Variants in ASAP1 observed in about 807,000 individuals in gnomAD.
ASAP1 encodes the protein ArfGAP with SH3 domain, ankyrin repeat and PH domain 1.
In ASAP1, 43 loss-of-function variants were observed where a neutral mutation model predicts 145.2. The observed-to-expected ratio is 0.30, with a 90% CI of 0.23 to 0.38. The LOEUF (loss-of-function observed/expected upper bound fraction) is 0.38. Ranked by LOEUF, ASAP1 falls within the 10% of genes least tolerant of loss-of-function variation. The pLI is 1.00. For missense variants in ASAP1, 1,018 were observed against 1,355.3 expected, an observed-to-expected ratio of 0.75 and a Z score of 3.91; for synonymous variants, 546 against 515.5, an observed-to-expected ratio of 1.06 and a Z score of -0.80.
chr8:130,184,310 C>T (rs1025204026), intron 7 of ASAP1, among the ~76,000 whole-genome samples: 1 of 152,156 alleles, frequency 6.6e-6, no homozygotes, highest in South Asian at 2.1e-4. Flanking sequence ...TCGTCTACCA[C>T]AGCAATACAT....
chr8:130,208,820 C>G (rs1467108777), intron 5 of ASAP1: 1 of 152,156 alleles, frequency 6.6e-6, no homozygotes, highest in Non-Finnish European at 1.5e-5. Context: ...GAATCTATGA[C>G]TTGACTCAAC....
At chr8:130,155,380 C>G (rs1399898725) in intron 12 of ASAP1, among the ~76,000 whole-genome samples, 1 of 152,092 alleles carries the variant, frequency 6.6e-6, no homozygotes. Flanking sequence ...CTTTTGTGTG[C>G]GAGAGAGACA....
intron 12 of ASAP1, among the ~76,000 whole-genome samples, chr8:130,153,208 T>C (rs2097650325): frequency 6.6e-6 from 1 of 150,878 alleles, no homozygotes; most frequent in Non-Finnish European, 1.5e-5. Context: ...TTAGTAGAAA[T>C]GGGGCTTCAC....
intron 9 of ASAP1, among the ~76,000 whole-genome samples, chr8:130,177,397 A>T (rs1814038408): frequency 6.6e-6 from 1 of 152,238 alleles, no homozygotes; most frequent in Non-Finnish European, 1.5e-5. Context: ...CTGCCAAAGT[A>T]CTGCAGAATT....
chr8:130,377,345 C>T (rs1180591949), intron 2 of ASAP1, among the ~76,000 whole-genome samples: 2 of 152,048 alleles, frequency 1.3e-5, no homozygotes, highest in African/African-American at 2.4e-5. Flanking sequence ...ATTCAAGTAA[C>T]CAAACACCAC....
intron 1 of ASAP1, among the ~76,000 whole-genome samples, chr8:130,422,687 T>C (rs113701574): frequency 6.6e-6 from 1 of 152,336 alleles, no homozygotes; most frequent in African/African-American, 2.4e-5. Context: ...AACAATCATC[T>C]TGACAAATCT....
At chr8:130,308,060 T>C (rs1368609317) in intron 3 of ASAP1, among the ~76,000 whole-genome samples, 1 of 152,250 alleles carries the variant, frequency 6.6e-6, no homozygotes, top group Non-Finnish European at 1.5e-5. Context: ...TAGCAAAACA[T>C]TCTTGAATTT....
At chr8:130,158,370 C>T (rs983649788) in intron 12 of ASAP1, among the ~76,000 whole-genome samples, 1 of 149,998 alleles carries the variant, frequency 6.7e-6, no homozygotes, top group Non-Finnish European at 1.5e-5. Flanking sequence ...AAAAAAGTAT[C>T]CAGGCATGGT....
intron 4 of ASAP1, among the ~76,000 whole-genome samples, chr8:130,215,952 A>C (rs779987045): frequency 2.7e-5 from 4 of 147,784 alleles, no homozygotes; most frequent in Non-Finnish European, 4.5e-5. Context: ...GGAAAGGGGA[A>C]AGGGGAAAGA....
In ASAP1 at chr8:130,236,829, G is replaced by A. The variant is rs562872926; in HGVS notation, c.259+93C>T. The A allele has an allele frequency of 8.6e-4, 813 of 949,572 alleles. 16 individuals carry two copies. In the South Asian group the frequency reaches 0.016, roughly 19 times the overall value. The allele number at this position is 949,572 out of a possible 1,614,324, so 58.8% of individuals were successfully genotyped here. On this transcript the variant is annotated intron_variant, in intron 4 of 29. Coordinates refer to ENST00000518721, the MANE Select transcript of ASAP1 (RefSeq NM_018482.4). ...CTACTTACTTTTCCATTTGTGTCAA[G>A]TTTCCTATAAACTTAACATCTTTTA...
At position 130,187,243 on chromosome 8, in the gene ASAP1, T is replaced by C. The variant is rs1298527632; in HGVS notation, c.523A>G (p.Thr175Ala). The C allele has an allele frequency of 6.2e-7, 1 of 1,608,384 alleles. No homozygotes were observed. ...AAACAAAAAACCACTTACAACTTTG[T>C]CTCATAATCTTTCCAGGCTTTGTCA... Reference protein sequence around the residue: ...PFDKAWKDYETKFTKIEKEKR... With the variant: ...PFDKAWKDYEAKFTKIEKEKR... Residue 175 changes from threonine (T) to alanine (A), a missense_variant, in exon 7 of 30, where the codon ACA (threonine) becomes GCA (alanine). Physicochemically the swap from Thr to Ala is moderately conservative, Grantham distance 58 (BLOSUM62 0). This residue lies in a region of ASAP1 where 78 missense variants were observed against 161.0 expected (regional missense o/e 0.48). Coordinates refer to ENST00000518721, the MANE Select transcript of ASAP1 (RefSeq NM_018482.4).
chr8:130,355,815 C>A (rs1210027946), intron 3 of ASAP1, among the ~76,000 whole-genome samples: 2 of 152,118 alleles, frequency 1.3e-5, no homozygotes, highest in Non-Finnish European at 2.9e-5. Context: ...AAAAAGTAAC[C>A]ACTCAAGAGA....
chr8:130,177,212 A>C (rs868413717), intron 9 of ASAP1, among the ~76,000 whole-genome samples: 1 of 152,226 alleles, frequency 6.6e-6, no homozygotes, highest in Non-Finnish European at 1.5e-5. Flanking sequence ...TAAAGGGAGG[A>C]TGCATTAGCT....
intron 3 of ASAP1, among the ~76,000 whole-genome samples, chr8:130,357,473 G>C (rs376665594): frequency 1.3e-5 from 2 of 152,370 alleles, no homozygotes; most frequent in East Asian, 3.9e-4. Flanking sequence ...GAGACTAACA[G>C]GGAGGACTCC....
chr8:130,064,139 G>C (rs2097425179), intron 27 of ASAP1, among the ~76,000 whole-genome samples: 1 of 152,206 alleles, frequency 6.6e-6, no homozygotes, highest in Non-Finnish European at 1.5e-5. Context: ...TGACATGATT[G>C]AATGTGGAAG....
At chr8:130,341,180 C>A (rs74727316) in intron 3 of ASAP1, among the ~76,000 whole-genome samples, 1 of 152,072 alleles carries the variant, frequency 6.6e-6, no homozygotes, top group Non-Finnish European at 1.5e-5. Flanking sequence ...GTGAAACACA[C>A]CTACCACCCA....
rs765163719 is a variant in ASAP1 at position 130,180,808 on chromosome 8, A to G, written c.603T>C (p.Ala201=). Residue 201 remains alanine (A), a synonymous_variant, in exon 8 of 30, where the codon GCT becomes GCC. Coordinates refer to ENST00000518721, the MANE Select transcript of ASAP1 (RefSeq NM_018482.4). The stretch of plus-strand genomic sequence containing the variant: ...CCTTCTCCATTTCTTCCGCAATCTC[A>G]GCTCCTGTTATCTCTGTGCGGATCA... ...HGMIRTEITG[A]EIAEEMEKER... 1 of 1,613,250 alleles carries G rather than the reference A, an allele frequency of 6.2e-7. No homozygotes were observed. Among genetic ancestry groups the G allele is most frequent in the African/African-American group, 1.3e-5 (1 of 74,846 alleles).
At chr8:130,281,286 GT>G (rs1418488722) in intron 3 of ASAP1, among the ~76,000 whole-genome samples, 1 of 152,138 alleles carries the variant, frequency 6.6e-6, no homozygotes, top group Non-Finnish European at 1.5e-5. Flanking sequence ...CATAAACAAT[GT>G]TTCCCTATCA....
In ASAP1 at chr8:130,354,726, G is replaced by A. The variant is rs913106607; in HGVS notation, c.186+3291C>T. On this transcript the variant is annotated intron_variant, in intron 3 of 29. Transcript: ENST00000518721. Reference sequence around the variant, plus strand: ...CTTTTTGCTTGGAAAACACTCACACGCCAGGATGAAACCTTGGCAGAACAC... The same window carrying A: ...CTTTTTGCTTGGAAAACACTCACACACCAGGATGAAACCTTGGCAGAACAC... Among the ~76,000 whole-genome samples the A allele has an allele frequency of 5.3e-5, 8 of 152,238 alleles. No individual in the cohort carries two copies. The East Asian group carries it at 7.7e-4, about 15-fold the overall frequency.
Sources: allele counts gnomAD v4.1 joint callset (sites outside exome capture counted in the v4.1 genomes callset), GRCh38; gene constraint gnomAD v4.1.1; regional missense constraint gnomAD v4.1.1; transcripts MANE v1.5; gene names NCBI Gene and HGNC (gene_info 2026-07-23, HGNC 2026-07-21).